WLS: variants seen among roughly 807,000 people sequenced by gnomAD.
WLS encodes protein wntless homolog.
WLS carries 23 observed loss-of-function variants against 62.8 expected under a neutral mutation model. That is an observed-to-expected ratio of 0.37 (90% CI 0.26 to 0.52). The LOEUF is 0.52. WLS is among the 20% of genes least tolerant of loss of function. The pLI, the probability that WLS is intolerant of heterozygous loss-of-function variation, is 0.92. For synonymous variants in WLS, 246 were observed against 244.1 expected, an observed-to-expected ratio of 1.01 and a Z score of -0.07; for missense variants, 615 against 697.3, an observed-to-expected ratio of 0.88 and a Z score of 1.33.
chr1:68,153,683 G>T (rs1486036311), intron 4 of WLS, 30 bp from the exon 5 acceptor site: 5 of 1,613,604 alleles, frequency 3.1e-6, no homozygotes, highest in Non-Finnish European at 3.4e-6. Flanking sequence ...AATTTTGAAG[G>T]TGAATATTAT....
At chr1:68,217,787 G>C (rs1025236865) in intron 1 of WLS, among the ~76,000 whole-genome samples, 1 of 152,118 alleles carries the variant, frequency 6.6e-6, no homozygotes, top group Admixed American at 6.5e-5. Context: ...CTTTGACAAG[G>C]TGGTCAGGAG....
chr1:68,193,802 A>G (rs1648501461), intron 2 of WLS, 153 bp downstream of exon 2: 3 of 981,112 alleles, frequency 3.1e-6, no homozygotes, highest in South Asian at 3.4e-5. Context: ...ATGGGTTAAT[A>G]CAGGTAAAGT....
At chr1:68,105,578 C>T (rs958807574) in intron 11 of WLS, among the ~76,000 whole-genome samples, 9 of 152,118 alleles carry the variant, frequency 5.9e-5, no homozygotes, top group African/African-American at 1.9e-4. Flanking sequence ...CTTGGCTTTC[C>T]AGGAAGTCCA....
chr1:68,100,294 A>G (rs1646060411), intron 11 of WLS, among the ~76,000 whole-genome samples: 1 of 152,120 alleles, frequency 6.6e-6, no homozygotes, highest in Non-Finnish European at 1.5e-5. Context: ...CTCGGCCTGG[A>G]GCTGGCCTGT....
intron 11 of WLS, among the ~76,000 whole-genome samples, chr1:68,099,510 G>A (rs541547119): frequency 2.0e-5 from 3 of 152,216 alleles, no homozygotes; most frequent in Admixed American, 6.5e-5. Flanking sequence ...GAGATTGGCT[G>A]TAGGACCTTT....
intron 2 of WLS, chr1:68,183,752 T>C (rs887257840): frequency 3.0e-5 from 6 of 197,972 alleles, no homozygotes; most frequent in Non-Finnish European, 6.5e-5. Flanking sequence ...GCACAATTAC[T>C]CTGCCAAAAG....
At chr1:68,172,999 A>T (rs1647176929) in intron 2 of WLS, among the ~76,000 whole-genome samples, 1 of 152,188 alleles carries the variant, frequency 6.6e-6, no homozygotes, top group Non-Finnish European at 1.5e-5. Flanking sequence ...ACGGACTGGG[A>T]TGGGGGGCCA....
chr1:68,232,036 C>G (rs1264345479), intron 1 of WLS, among the ~76,000 whole-genome samples, 158 bp downstream of exon 1: 1 of 151,958 alleles, frequency 6.6e-6, no homozygotes, highest in Non-Finnish European at 1.5e-5. Flanking sequence ...TTGTGCCCCA[C>G]GGAGCCCCAT....
In WLS at chr1:68,098,693, TGATA is replaced by T; in HGVS notation, c.1567_1570del (p.Tyr523LysfsTer59). ...ATATTTCGAAGCGCTGAACAATTCTTGATAAAGTTCCGAAACAAACAAAGCACAA... is the reference window on the plus strand; with the variant it reads ...ATATTTCGAAGCGCTGAACAATTCTTAAGTTCCGAAACAAACAAAGCACAA... On this transcript the variant is annotated frameshift_variant, in exon 12 of 12. Transcript: ENST00000354777. LOFTEE classifies it low-confidence loss of function (END_TRUNC). The T allele has an allele frequency of 6.2e-7, 1 of 1,614,038 alleles. No homozygotes were observed. The highest frequency in any genetic ancestry group is 1.1e-5 in the South Asian group (1 of 91,070).
chr1:68,105,517 T>C (rs1646131879), intron 11 of WLS, among the ~76,000 whole-genome samples: 1 of 152,228 alleles, frequency 6.6e-6, no homozygotes, highest in Non-Finnish European at 1.5e-5. Flanking sequence ...GAGTAGCAAC[T>C]TTGAAAATTC....
chr1:68,146,693 C>T (rs1646756756), intron 8 of WLS, among the ~76,000 whole-genome samples: 1 of 152,064 alleles, frequency 6.6e-6, no homozygotes. Context: ...AAATCTTGTC[C>T]AACAGAATGG....
rs1031761943 is a variant in WLS at position 68,213,582 on chromosome 1, A to T, written c.106+18612T>A. ...GGCTTTCTGTATTAAGTTCATTATT[A>T]ATTTGGCACCTTGAGTGAGATGAAT... On this transcript the variant is annotated intron_variant, in intron 1 of 11. Coordinates refer to ENST00000262348, the MANE Select transcript of WLS (RefSeq NM_024911.7). Among the ~76,000 whole-genome samples, 40 of 152,042 alleles carry T rather than the reference A, an allele frequency of 2.6e-4. 1 individual carries two copies. The highest frequency in any genetic ancestry group is 9.6e-4 in the African/African-American group (40 of 41,470).
chr1:68,139,537 G>C (rs1313184558), intron 10 of WLS, among the ~76,000 whole-genome samples: 2 of 152,214 alleles, frequency 1.3e-5, no homozygotes, highest in African/African-American at 4.8e-5. Flanking sequence ...AGCTGCAAGA[G>C]AGAATATGGC....
chr1:68,182,970 G>A (rs1053641921), intron 2 of WLS, among the ~76,000 whole-genome samples: 4 of 152,072 alleles, frequency 2.6e-5, no homozygotes, highest in Non-Finnish European at 4.4e-5. Context: ...GTGCGATCTC[G>A]GCTTGCTGCA....
In WLS at chr1:68,220,191, T is replaced by C. The variant is rs1238527703; in HGVS notation, c.106+12003A>G. ...CTGCTTATTGGACTATTGGCTAGCA[T>C]AGATCTTGCCTAATAGGAAGGCTAT... On this transcript the variant is annotated intron_variant, in intron 1 of 11. Transcript: ENST00000262348. Among the ~76,000 whole-genome samples, 3 of 152,218 alleles carry C rather than the reference T, an allele frequency of 2.0e-5. No individual in the cohort carries two copies. In the East Asian group the frequency reaches 5.8e-4, roughly 29 times the overall value.
At chr1:68,174,472 A>G (rs1226897838) in intron 2 of WLS, among the ~76,000 whole-genome samples, 2 of 152,152 alleles carry the variant, frequency 1.3e-5, no homozygotes, top group Non-Finnish European at 2.9e-5. Context: ...CCGGGGTTCC[A>G]GATAATGGAC....
Position 68,168,111 on chromosome 1 carries a change from A to AG in WLS, c.380-8865dup, listed in dbSNP as rs531704579. On this transcript the variant is annotated intron_variant, in intron 2 of 11. Transcript: ENST00000262348. Reference sequence around the variant, plus strand: ...CCTTCTATAAGCCAGAAATGGTGGGAGGGGGGTGCTAGAAATCGCTAGGAA... The same window carrying AG: ...CCTTCTATAAGCCAGAAATGGTGGGAGGGGGGGTGCTAGAAATCGCTAGGAA... Among the ~76,000 whole-genome samples the AG allele has an allele frequency of 1.2e-4, 18 of 152,028 alleles. 1 individual carries two copies. Among genetic ancestry groups the AG allele is most frequent in the Non-Finnish European group, 2.9e-5 (2 of 67,988 alleles).
At chr1:68,131,176 G>T (rs1482398595) in intron 11 of WLS, among the ~76,000 whole-genome samples, 3 of 150,774 alleles carry the variant, frequency 2.0e-5, no homozygotes, top group African/African-American at 4.9e-5. Context: ...CTCCCAAAGT[G>T]CTGGGATTAC....
intron 1 of WLS, among the ~76,000 whole-genome samples, chr1:68,218,673 A>C (rs544733839): frequency 6.6e-6 from 1 of 152,014 alleles, no homozygotes; most frequent in South Asian, 2.1e-4. Context: ...GCCTGGCTCT[A>C]CTTGCAAGTC....
Sources: gnomAD v4.1 joint callset for allele counts (sites outside exome capture counted in the v4.1 genomes callset) on GRCh38, gnomAD v4.1.1 for gene constraint, MANE v1.5 for transcripts, NCBI Gene and HGNC (gene_info 2026-07-23, HGNC 2026-07-21) for gene names.